The following NME8 variants were observed in gnomAD, a reference collection of about 807,000 sequenced individuals.
The protein encoded by NME8 is protein NME8.
In NME8, 72 loss-of-function variants were observed where a neutral mutation model predicts 82.3. The ratio of observed to expected loss-of-function variants is 0.87; its 90% CI spans 0.72 to 1.06. The LOEUF (loss-of-function observed/expected upper bound fraction) is 1.06, where lower values mean the gene tolerates loss of function less well. NME8 is among the 50% of genes least tolerant of loss of function. NME8 has a pLI of 0.00. For missense variants in NME8, 712 were observed against 685.4 expected (o/e 1.04, Z -0.43); for synonymous variants, 267 against 228.5 (o/e 1.17, Z -1.52).
chr7:37,879,096 GT>G (rs1784903969), intron 12 of NME8, among the ~76,000 whole-genome samples: 1 of 151,736 alleles, frequency 6.6e-6, no homozygotes, highest in Admixed American at 6.6e-5. Flanking sequence ...ATGTCTTAGA[GT>G]TGATATCATA....
Position 37,892,141 on chromosome 7 carries a change from T to A in NME8, c.1400-2325T>A, listed in dbSNP as rs865778125. On this transcript the variant is annotated intron_variant, in intron 15 of 17. Transcript: ENST00000199447. ...TTTCATTGTAAGTAATATGGTGTTT[T>A]GCCAGAAGAAAGTGTTAATTTTTGT... is the stretch of plus-strand genomic sequence containing the variant. 3.3e-5 allele frequency among the ~76,000 whole-genome samples: 5 copies of A among 152,128 alleles called. 1 individual carries two copies. The Middle Eastern group carries it at 0.01, about 310-fold the overall frequency.
intron 13 of NME8, 62 bp downstream of exon 13, chr7:37,884,509 A>T (rs1785011984): frequency 6.8e-7 from 1 of 1,470,986 alleles, no homozygotes; most frequent in South Asian, 1.1e-5. Context: ...ACTTTCTCTT[A>T]AGTCTGGTTT....
At chr7:37,888,486 T>C (rs1003088301) in intron 15 of NME8, 58 bp downstream of exon 15, 1 of 1,522,234 alleles carries the variant, frequency 6.6e-7, no homozygotes, top group Non-Finnish European at 9.0e-7. Context: ...TGTGAACATT[T>C]AAAAAATTTA....
At chr7:37,865,108 G>A (rs893854444) in intron 9 of NME8, among the ~76,000 whole-genome samples, 2 of 152,110 alleles carry the variant, frequency 1.3e-5, no homozygotes, top group East Asian at 3.9e-4. Context: ...TTTCTCAATA[G>A]TCCCCCAAAG....
At chr7:37,881,867 AT>A (rs948765073) in intron 12 of NME8, among the ~76,000 whole-genome samples, 1 of 152,212 alleles carries the variant, frequency 6.6e-6, no homozygotes, top group Non-Finnish European at 1.5e-5. Context: ...CCTAGCTCTC[AT>A]TGTGTGAGTT....
At chr7:37,897,492 C>A (rs1263379729) in intron 17 of NME8, among the ~76,000 whole-genome samples, 1 of 152,126 alleles carries the variant, frequency 6.6e-6, no homozygotes, top group Non-Finnish European at 1.5e-5. Flanking sequence ...TTTGAATGGC[C>A]AAAGTTTCTT....
At chr7:37,864,036 T>C (rs1562831282) in intron 8 of NME8, among the ~76,000 whole-genome samples, 1 of 152,248 alleles carries the variant, frequency 6.6e-6, no homozygotes, top group Non-Finnish European at 1.5e-5. Context: ...AGTACTGTGC[T>C]GGATGGATCC....
intron 12 of NME8, 148 bp downstream of exon 12, chr7:37,877,155 C>A: frequency 1.5e-6 from 1 of 662,344 alleles, no homozygotes; most frequent in Non-Finnish European, 2.6e-6. Flanking sequence ...TTACTAATAT[C>A]TTAATAGTGA....
chr7:37,888,758 T>C (rs1785082082), intron 15 of NME8, among the ~76,000 whole-genome samples: 1 of 152,146 alleles, frequency 6.6e-6, no homozygotes. Flanking sequence ...ATGTTAATGA[T>C]ATTTCAAATA....
intron 12 of NME8, among the ~76,000 whole-genome samples, chr7:37,881,973 T>G (rs1784953013): frequency 6.6e-6 from 1 of 152,252 alleles, no homozygotes; most frequent in Non-Finnish European, 1.5e-5. Context: ...AGAAAAAGTC[T>G]GCTGTCAGCT....
chr7:37,876,839 G>C lies in NME8; in HGVS notation c.826G>C (p.Glu276Gln). 5 of 1,610,962 alleles carry C rather than the reference G, an allele frequency of 3.1e-6. No individual in the cohort carries two copies. Among genetic ancestry groups the C allele is most frequent in the Non-Finnish European group, 4.2e-6 (5 of 1,177,796 alleles). Residue 276 changes from glutamate to glutamine, a missense_variant, in exon 12 of 18, where the codon GAA (glutamate) becomes CAA (glutamine). Coordinates refer to ENST00000199447, the MANE Select transcript of NME8 (RefSeq NM_016616.5). ...TATTTTGGATTTTGACAGTTTACAA[G>C]AATATCTGGAAAGACAACATTTAGC... ...MMKNKQDSLQ[E>Q]YLERQHLAQL...
chr7:37,882,151 G>A (rs967656766), intron 12 of NME8, among the ~76,000 whole-genome samples: 17 of 152,042 alleles, frequency 1.1e-4, no homozygotes, highest in African/African-American at 2.7e-4. Flanking sequence ...TAACTATTAA[G>A]CACCTTACTT....
intron 8 of NME8, 131 bp downstream of exon 8, chr7:37,863,593 G>T: frequency 2.9e-6 from 2 of 691,488 alleles, no homozygotes; most frequent in Non-Finnish European, 5.3e-6. Context: ...GATAAATGAT[G>T]ATTTGGGCCT....
chr7:37,863,458 T>C lies in NME8; in HGVS notation c.450T>C (p.Ser150=), dbSNP rs757337877. ...TTAGTGAAGAATCACCATGTGAAAG[T>C]GTTCGTAAGTAAATTTACTTCAAAG... ...SEVSEESPCE[S]VQELYSIAII... is the part of the protein sequence containing the mutation. The change falls in exon 8 of 18, where the codon AGT becomes AGC. Residue 150 remains serine, a synonymous_variant. Transcript: ENST00000199447. The C allele has an allele frequency of 1.3e-6, 2 of 1,585,218 alleles. No homozygotes were observed. Among genetic ancestry groups the C allele is most frequent in the African/African-American group, 2.7e-5 (2 of 74,382 alleles).
chr7:37,890,666 T>C (rs1165885268), intron 15 of NME8, among the ~76,000 whole-genome samples: 4 of 152,028 alleles, frequency 2.6e-5, no homozygotes, highest in African/African-American at 9.7e-5. Flanking sequence ...AGTGAGATCA[T>C]GCAGTATTTT....
In NME8 at chr7:37,885,261, C is replaced by T. The variant is rs1441103571; in HGVS notation, c.1247+9C>T. ...GAATATTTTCCAGAGAGGTAGGATT[C>T]ATACCATGGGTCACTATCTGTTTTC... On this transcript the variant is annotated intron_variant, in intron 14 of 17. Coordinates refer to ENST00000199447, the MANE Select transcript of NME8 (RefSeq NM_016616.5). 1.3e-6 allele frequency: 2 copies of T among 1,546,808 alleles called. No individual in the cohort carries two copies. The highest frequency in any genetic ancestry group is 1.4e-5 in the African/African-American group (1 of 73,612).
intron 16 of NME8, among the ~76,000 whole-genome samples, chr7:37,896,062 A>G (rs1785224803): frequency 6.6e-6 from 1 of 152,144 alleles, no homozygotes; most frequent in Non-Finnish European, 1.5e-5. Flanking sequence ...CGTGTGTATA[A>G]AATACGTATA....
In NME8 at chr7:37,873,235, C is replaced by CTA. The variant is rs1448671060; in HGVS notation, c.819-3594_819-3593dup. 2.0e-5 allele frequency among the ~76,000 whole-genome samples: 3 copies of CTA among 151,978 alleles called. No homozygotes were observed. In the East Asian group the frequency reaches 5.8e-4, roughly 29 times the overall value. On this transcript the variant is annotated intron_variant, in intron 11 of 17. Coordinates refer to ENST00000199447, the MANE Select transcript of NME8 (RefSeq NM_016616.5). ...ATTGGCCAGGCGTGGTGGCCCATGC[C>CTA]TATAGTCCCAGCTACTTGGGAGGCT...
chr7:37,897,282 T>A (rs557582257), intron 17 of NME8, among the ~76,000 whole-genome samples, 175 bp downstream of exon 17: 1 of 152,174 alleles, frequency 6.6e-6, no homozygotes, highest in East Asian at 1.9e-4. Flanking sequence ...AGCTGAACCT[T>A]GTAGATGCTG....
Sources: allele counts gnomAD v4.1 joint callset (sites outside exome capture counted in the v4.1 genomes callset), GRCh38; gene constraint gnomAD v4.1.1; transcripts MANE v1.5; gene names NCBI Gene and HGNC (gene_info 2026-07-23, HGNC 2026-07-21).